Variants in C13orf42 observed in about 807,000 individuals in gnomAD.
The protein encoded by C13orf42 is uncharacterized protein C13orf42.
At chr13:51,166,914 A>C (rs1953906524) in intron 1 of C13orf42, among the ~76,000 whole-genome samples, 1 of 152,118 alleles carries the variant, frequency 6.6e-6, no homozygotes, top group Admixed American at 6.5e-5. Flanking sequence ...CCCTGTCTCT[A>C]CTAAAAATAT....
chr13:51,169,203 T>C (rs1402912520), intron 1 of C13orf42, among the ~76,000 whole-genome samples: 1 of 152,154 alleles, frequency 6.6e-6, no homozygotes, highest in East Asian at 1.9e-4. Flanking sequence ...GAGGGAAAGT[T>C]TGGAACTTCC....
At position 51,130,853 on chromosome 13, in the gene C13orf42, T is replaced by TA. The variant is rs146562175; in HGVS notation, n.137-17632dup. Among the ~76,000 whole-genome samples the TA allele has an allele frequency of 9.6e-4, 142 of 147,990 alleles. 1 individual carries two copies. The highest frequency in any genetic ancestry group is 2.1e-3 in the African/African-American group (87 of 40,558). On this transcript the variant is annotated intron_variant and non_coding_transcript_variant, in intron 1 of 4. Transcript: ENST00000433280. ...TAAGGAAAGTGAAATGTGTTTTTGG[T>TA]AAAAAAAAAATATATATATATATAT... is the stretch of plus-strand genomic sequence containing the variant.
chr13:51,159,859 A>G (rs1953851339), intron 1 of C13orf42, among the ~76,000 whole-genome samples: 1 of 152,224 alleles, frequency 6.6e-6, no homozygotes, highest in African/African-American at 2.4e-5. Flanking sequence ...CTGGGAACAA[A>G]AAGAGGTTTA....
intron 2 of C13orf42, among the ~76,000 whole-genome samples, chr13:51,087,547 C>CT (rs978984417): frequency 2.2e-4 from 33 of 152,188 alleles, no homozygotes; most frequent in African/African-American, 7.7e-4. Context: ...AAAGTGTACC[C>CT]TTTAAATGAC....
At chr13:51,088,709 T>C (rs553529280) in intron 1 of C13orf42, among the ~76,000 whole-genome samples, 30 of 152,310 alleles carry the variant, frequency 2.0e-4, no homozygotes, top group Non-Finnish European at 3.8e-4. Context: ...TAAAAATTTT[T>C]TTAAATAAAG....
chr13:51,151,868 A>G (rs1348616354), intron 1 of C13orf42, among the ~76,000 whole-genome samples: 1 of 152,162 alleles, frequency 6.6e-6, no homozygotes, highest in African/African-American at 2.4e-5. Flanking sequence ...AGGGCCTTTT[A>G]TTTAGACATG....
At chr13:51,146,433 C>A (rs1419244010) in intron 1 of C13orf42, among the ~76,000 whole-genome samples, 4 of 152,198 alleles carry the variant, frequency 2.6e-5, no homozygotes, top group Non-Finnish European at 5.9e-5. Context: ...AGACAGCTGT[C>A]AATCAGTTTA....
intron 1 of C13orf42, among the ~76,000 whole-genome samples, chr13:51,157,085 T>A (rs914278856): frequency 9.9e-5 from 15 of 152,204 alleles, no homozygotes; most frequent in Non-Finnish European, 2.1e-4. Context: ...GATGTCCAGA[T>A]CCAGGCCTAG....
intron 1 of C13orf42, among the ~76,000 whole-genome samples, chr13:51,117,559 A>G (rs1953501496): frequency 6.6e-6 from 1 of 152,212 alleles, no homozygotes; most frequent in South Asian, 2.1e-4. Context: ...ATTGAGTGTG[A>G]ATTTCCAAAC....
intron 1 of C13orf42, among the ~76,000 whole-genome samples, chr13:51,090,409 T>C (rs1326939517): frequency 2.0e-5 from 3 of 152,118 alleles, no homozygotes; most frequent in African/African-American, 4.8e-5. Flanking sequence ...AAACAAAGAA[T>C]GGACAAAGCC....
chr13:51,110,046 T>G (rs912772511), intron 1 of C13orf42, among the ~76,000 whole-genome samples: 13 of 152,116 alleles, frequency 8.5e-5, no homozygotes, highest in Non-Finnish European at 1.3e-4. Context: ...CCCAAAGCCA[T>G]CCGGGAATCT....
At chr13:51,111,817 C>T (rs887973798), upstream of C13orf42, among the ~76,000 whole-genome samples, 9 of 152,126 alleles carry the variant, frequency 5.9e-5, no homozygotes, top group Non-Finnish European at 1.2e-4. Context: ...GACAGGAGCT[C>T]GCAGATCCCC....
chr13:51,135,739 C>T (rs547067017), intron 1 of C13orf42, among the ~76,000 whole-genome samples: 227 of 152,196 alleles, frequency 1.5e-3, no homozygotes, highest in Non-Finnish European at 2.8e-3. Flanking sequence ...CTAGATTCCT[C>T]CCCCACCCTG....
intron 1 of C13orf42, among the ~76,000 whole-genome samples, chr13:51,096,548 A>G (rs1953236472): frequency 6.6e-6 from 1 of 152,244 alleles, no homozygotes; most frequent in Non-Finnish European, 1.5e-5. Flanking sequence ...CAACATTAAC[A>G]AGATTATTTA....
chr13:51,143,171 C>A (rs1267189455), intron 1 of C13orf42, among the ~76,000 whole-genome samples: 1 of 152,104 alleles, frequency 6.6e-6, no homozygotes, highest in Non-Finnish European at 1.5e-5. Context: ...ACACTGACAG[C>A]AATTAAAGCC....
At chr13:51,163,813 A>G (rs1953884483) in intron 1 of C13orf42, among the ~76,000 whole-genome samples, 1 of 152,202 alleles carries the variant, frequency 6.6e-6, no homozygotes, top group South Asian at 2.1e-4. Context: ...TGTCTGCCAT[A>G]CAAAGTCCCA....
Position 51,095,021 on chromosome 13 carries a change from A to T in C13orf42, c.415-6946T>A, listed in dbSNP as rs114591560. Among the ~76,000 whole-genome samples, 1,072 of 152,214 alleles carry T rather than the reference A, an allele frequency of 7.0e-3. 11 individuals carry two copies. The highest frequency in any genetic ancestry group is 0.025 in the African/African-American group (1,026 of 41,510). On this transcript the variant is annotated intron_variant, in intron 1 of 3. Transcript: ENST00000563710. ...GCTCTCTTGCTTGCTGTCATGTAAG[A>T]TGTGCCTTTGTTTCTCCTTTGCCTT...
chr13:51,110,905 C>T lies in C13orf42; in HGVS notation c.305G>A (p.Ser102Asn). 1 of 398,622 alleles carries T rather than the reference C, an allele frequency of 2.5e-6. No homozygotes were observed. Among genetic ancestry groups the T allele is most frequent in the Middle Eastern group, 6.3e-4 (1 of 1,588 alleles). The allele number at this position is 398,622 out of a possible 1,614,324, so 24.7% of individuals were successfully genotyped here. The change falls in exon 1 of 4, where the codon AGC becomes AAC. Residue 102 changes from serine to asparagine, a missense_variant. Ser to Asn is a conservative substitution (Grantham distance 46). Coordinates refer to ENST00000563710, the MANE Select transcript of C13orf42 (RefSeq NM_001351589.3). ...GCGGTGGGGCTTCAGATCACTGAAG[C>T]TGCTGAGATATTTTTTGCGCAAGGC... ...LLALRKKYLS[S>N]FSDLKPHRTQ...
rs151096615 is a variant in C13orf42 at position 51,137,948 on chromosome 13, T to A, written n.137-24726A>T. Among the ~76,000 whole-genome samples the A allele has an allele frequency of 1.4e-3, 210 of 152,340 alleles. 1 individual carries two copies. The highest frequency in any genetic ancestry group is 4.8e-3 in the African/African-American group (198 of 41,590). On this transcript the variant is annotated intron_variant and non_coding_transcript_variant, in intron 1 of 4. Transcript: ENST00000433280. ...ATGTGCTTTATTTCAGATTACTGTC[T>A]ACCATTCTTCAGCTTCTCTCTAAGT...
Sources: gnomAD v4.1 joint callset for allele counts (sites outside exome capture counted in the v4.1 genomes callset) on GRCh38, gnomAD v4.1.1 for gene constraint, MANE v1.5 for transcripts, NCBI Gene and HGNC (gene_info 2026-07-23, HGNC 2026-07-21) for gene names.